Variants in USH2A observed in about 807,000 individuals in gnomAD.
The protein encoded by USH2A is Usher syndrome 2A (autosomal recessive, mild).
A neutral mutation model predicts 538.9 loss-of-function variants in USH2A; 443 were observed. The observed-to-expected ratio is 0.82, with a 90% CI of 0.76 to 0.89. The LOEUF is 0.89. Ranked by LOEUF, USH2A falls within the 40% of genes least tolerant of loss-of-function variation. The probability of loss-of-function intolerance (pLI) is 0.00; values close to 1 mark genes in which losing one functional copy is unlikely to be tolerated. For synonymous variants in USH2A, 2,413 were observed against 2,273.5 expected (o/e 1.06, Z -1.75); for missense variants, 6,633 against 6,324.8 (o/e 1.05, Z -1.65).
At chr1:216,246,556 A>G (rs1340136143) in intron 13 of USH2A, 29 bp downstream of exon 13, 21 of 1,613,796 alleles carry the variant, frequency 1.3e-5, no homozygotes, top group Non-Finnish European at 1.7e-5. Context: ...GTCATTGTGC[A>G]CTGAAAATGT....
chr1:216,350,655 C>T (rs1165231700), intron 4 of USH2A, among the ~76,000 whole-genome samples: 1 of 152,098 alleles, frequency 6.6e-6, no homozygotes, highest in Non-Finnish European at 1.5e-5. Context: ...GAGGAGTGAG[C>T]TCCCAAGGCC....
At chr1:215,918,675 G>A (rs1666022720) in intron 38 of USH2A, among the ~76,000 whole-genome samples, 1 of 152,062 alleles carries the variant, frequency 6.6e-6, no homozygotes, top group African/African-American at 2.4e-5. Flanking sequence ...TAAAACAATA[G>A]TCATTGGCAG....
At chr1:215,858,745 A>C (rs1416068860) in intron 44 of USH2A, among the ~76,000 whole-genome samples, 1 of 151,904 alleles carries the variant, frequency 6.6e-6, no homozygotes, top group Non-Finnish European at 1.5e-5. Flanking sequence ...TTGGTCAGAA[A>C]TTTTATCTTA....
intron 11 of USH2A, among the ~76,000 whole-genome samples, chr1:216,268,569 G>A (rs1236682516): frequency 6.6e-6 from 1 of 152,102 alleles, no homozygotes; most frequent in Admixed American, 6.6e-5. Flanking sequence ...ACCTTCTAAA[G>A]TATTTGATGG....
At chr1:216,252,284 TGTGGGTA>T (rs2102553771) in intron 11 of USH2A, among the ~76,000 whole-genome samples, 1 of 152,338 alleles carries the variant, frequency 6.6e-6, no homozygotes, top group East Asian at 1.9e-4. Flanking sequence ...AACACAGCAA[TGTGGGTA>T]CAGACTTCAA....
intron 43 of USH2A, among the ~76,000 whole-genome samples, chr1:215,868,742 A>G (rs1425476825): frequency 6.6e-6 from 1 of 152,254 alleles, no homozygotes; most frequent in Non-Finnish European, 1.5e-5. Context: ...TTTTATAGAC[A>G]CATGGATACA....
intron 21 of USH2A, among the ~76,000 whole-genome samples, chr1:216,138,604 T>G (rs1437393954): frequency 6.6e-6 from 1 of 152,176 alleles, no homozygotes; most frequent in Non-Finnish European, 1.5e-5. Context: ...TGCTTTTTAT[T>G]GACCTTTTTA....
chr1:215,906,585 TTAAA>T (rs1665645299), intron 38 of USH2A, among the ~76,000 whole-genome samples: 1 of 152,056 alleles, frequency 6.6e-6, no homozygotes, highest in Non-Finnish European at 1.5e-5. Flanking sequence ...ATTTACAATA[TTAAA>T]TAAACAAATT....
chr1:216,087,273 G>A (rs141893555), intron 23 of USH2A, among the ~76,000 whole-genome samples: 1 of 152,132 alleles, frequency 6.6e-6, no homozygotes, highest in African/African-American at 2.4e-5. Context: ...ACTTACATCT[G>A]TTCCCTTGGC....
At chr1:216,069,556 T>A (rs888830297) in intron 30 of USH2A, among the ~76,000 whole-genome samples, 2 of 152,134 alleles carry the variant, frequency 1.3e-5, no homozygotes, top group Non-Finnish European at 1.5e-5. Flanking sequence ...TGAATTTGAG[T>A]GTGAGATGTG....
chr1:216,267,941 A>G (rs746064978), intron 11 of USH2A, among the ~76,000 whole-genome samples: 6 of 146,988 alleles, frequency 4.1e-5, no homozygotes, highest in Non-Finnish European at 9.3e-5. Flanking sequence ...TTAGCTTACA[A>G]CAACAATAAT....
In USH2A at chr1:216,097,088, G is replaced by A; in HGVS notation, c.4753C>T (p.Pro1585Ser). 1 of 1,613,608 alleles carries A rather than the reference G, an allele frequency of 6.2e-7. No individual in the cohort carries two copies. Among genetic ancestry groups the A allele is most frequent in the Non-Finnish European group, 8.5e-7 (1 of 1,179,780 alleles). ...KKGRLYFLFD[P>S]QGSPVEVTTT... The stretch of plus-strand genomic sequence containing the variant: ...GTTTATGATTTCTCATTTACCTGAG[G>A]ATCAAAAAGAAAATAAAGACGTCCC... The change falls in exon 22 of 72, where the codon CCT (proline) becomes TCT (serine). Residue 1585 changes from proline to serine, a missense_variant. Coordinates refer to ENST00000307340, the MANE Select transcript of USH2A (RefSeq NM_206933.4).
chr1:216,333,808 C>A (rs1033625467), intron 4 of USH2A, among the ~76,000 whole-genome samples: 1 of 151,882 alleles, frequency 6.6e-6, no homozygotes, highest in Non-Finnish European at 1.5e-5. Flanking sequence ...AGAAGAATGA[C>A]ATATTTAAAG....
chr1:216,136,491 G>C (rs1433033166), intron 21 of USH2A, among the ~76,000 whole-genome samples: 2 of 152,058 alleles, frequency 1.3e-5, no homozygotes, highest in Admixed American at 1.3e-4. Context: ...TCCTCTTTTT[G>C]ATTAGGTTAT....
chr1:215,970,793 T>G lies in USH2A; in HGVS notation c.6806-17A>C, dbSNP rs751853948. On this transcript the variant is annotated splice_polypyrimidine_tract_variant and intron_variant, in intron 35 of 71. Coordinates refer to ENST00000307340, the MANE Select transcript of USH2A (RefSeq NM_206933.4). ...TGATAACACCTGGGAAGATAATAATTGCCTTTCAGTATGACTACTAGACAA... is the reference window on the plus strand; with the variant it reads ...TGATAACACCTGGGAAGATAATAATGGCCTTTCAGTATGACTACTAGACAA... 6.2e-7 allele frequency: 1 copy of G among 1,612,544 alleles called. No individual in the cohort carries two copies. The highest frequency in any genetic ancestry group is 8.5e-7 in the Non-Finnish European group (1 of 1,178,984).
At chr1:215,976,050 C>A (rs568336) in intron 35 of USH2A, among the ~76,000 whole-genome samples, 36,283 of 151,964 alleles carry the variant, frequency 0.24, 4,857 homozygotes, top group Non-Finnish European at 0.3. Flanking sequence ...TGGATGTATG[C>A]CTAGGAATTT....
intron 32 of USH2A, among the ~76,000 whole-genome samples, chr1:216,007,182 C>A (rs1668413957): frequency 6.6e-6 from 1 of 152,144 alleles, no homozygotes; most frequent in Admixed American, 6.5e-5. Context: ...CAGCCACATG[C>A]AACTGTAAGT....
rs78611317 is a variant in USH2A, at chr1:215,890,932, T to C, written c.7595-1878A>G. On this transcript the variant is annotated intron_variant, in intron 40 of 71. Coordinates refer to ENST00000307340, the MANE Select transcript of USH2A (RefSeq NM_206933.4). ...ACCCTCTCTTCCCCAAAGAGAGTAATATACACTTAAAAATCAGAATATTTT... is the reference window on the plus strand; with the variant it reads ...ACCCTCTCTTCCCCAAAGAGAGTAACATACACTTAAAAATCAGAATATTTT... Among the ~76,000 whole-genome samples the C allele has an allele frequency of 0.014, 2,066 of 152,270 alleles. 49 individuals are homozygous for C. Among genetic ancestry groups the C allele is most frequent in the African/African-American group, 0.047 (1,961 of 41,552 alleles).
chr1:216,189,434 AG>A (rs2034671596), intron 20 of USH2A, among the ~76,000 whole-genome samples: 1 of 151,954 alleles, frequency 6.6e-6, no homozygotes, highest in Admixed American at 6.6e-5. Context: ...AAAGATAACC[AG>A]GAAACTAAGC....
Sources: gnomAD v4.1 joint callset for allele counts (sites outside exome capture counted in the v4.1 genomes callset) on GRCh38, gnomAD v4.1.1 for gene constraint, MANE v1.5 for transcripts, NCBI Gene and HGNC (gene_info 2026-07-23, HGNC 2026-07-21) for gene names.